SORL1: variants seen among roughly 807,000 people sequenced by gnomAD.
The protein encoded by SORL1 is sortilin related receptor 1, also known as sortilin-related receptor.
A neutral mutation model predicts 273.7 loss-of-function variants in SORL1; 127 were observed. The observed-to-expected ratio is 0.46, with a 90% CI of 0.40 to 0.54. SORL1 has a LOEUF of 0.54. Among genes scored for constraint, SORL1 ranks in the 20% least tolerant of loss-of-function variants. The pLI is 0.00. For missense variants in SORL1, 2,494 were observed against 2,846.1 expected (o/e 0.88, Z 2.81); for synonymous variants, 1,031 against 1,067.4 (o/e 0.97, Z 0.66).
At chr11:121,466,730 G>T (rs981272838) in intron 1 of SORL1, among the ~76,000 whole-genome samples, 1 of 152,092 alleles carries the variant, frequency 6.6e-6, no homozygotes, top group African/African-American at 2.4e-5. Flanking sequence ...ATGGGCACCC[G>T]GGCTGCCTTG....
chr11:121,609,921 C>T (rs760974052), intron 38 of SORL1: 2 of 152,234 alleles, frequency 1.3e-5, no homozygotes, highest in African/African-American at 2.4e-5. Flanking sequence ...TGGATTGTGA[C>T]TTGTCCCTGG....
rs760498132 is a variant in SORL1 at position 121,545,433 on chromosome 11, A to G, written c.2051+4A>G. ...GCACCCGGGAGGACTATGAGTGGTC[A>G]GTTCTTCTTTGATGGCTGGGGACTG... On this transcript the variant is annotated splice_donor_region_variant and intron_variant, in intron 14 of 47. Coordinates refer to ENST00000260197, the MANE Select transcript of SORL1 (RefSeq NM_003105.6). 3.7e-6 allele frequency: 6 copies of G among 1,613,812 alleles called. No individual in the cohort carries two copies. Among genetic ancestry groups the G allele is most frequent in the Non-Finnish European group, 2.5e-6 (3 of 1,179,820 alleles).
intron 24 of SORL1, chr11:121,576,691 G>A: frequency 1.5e-6 from 2 of 1,329,102 alleles, no homozygotes; most frequent in Admixed American, 2.9e-5. Context: ...AAGCTCTGCT[G>A]GTTGGTTCTT....
chr11:121,489,675 A>G (rs890304284), intron 4 of SORL1, among the ~76,000 whole-genome samples: 3 of 152,322 alleles, frequency 2.0e-5, no homozygotes, highest in African/African-American at 4.8e-5. Flanking sequence ...TAATGCTGCT[A>G]TCTGTGAAAG....
Position 121,559,547 on chromosome 11 carries a change from A to C in SORL1, c.2939A>C (p.Gln980Pro). The C allele has an allele frequency of 6.2e-7, 1 of 1,614,132 alleles. No individual in the cohort carries two copies. Among genetic ancestry groups the C allele is most frequent in the Admixed American group, 1.7e-5 (1 of 60,004 alleles). Reference sequence around the variant, plus strand: ...GAAATCTACTGGGATGACTGGTCACAGCTCAGCATATTCCGAGCTTCCAAA... The same window carrying C: ...GAAATCTACTGGGATGACTGGTCACCGCTCAGCATATTCCGAGCTTCCAAA... ...KNEIYWDDWS[Q>P]LSIFRASKYS... Residue 980 changes from glutamine (Q) to proline (P), a missense_variant, in exon 21 of 48, where the codon CAG becomes CCG. By Grantham distance (76) the Gln-to-Pro change is moderately conservative. Transcript: ENST00000260197.
chr11:121,545,532 G>A (rs1862412977), intron 14 of SORL1, 103 bp downstream of exon 14: 1 of 1,018,676 alleles, frequency 9.8e-7, no homozygotes, highest in African/African-American at 1.6e-5. Flanking sequence ...CAAAGGAAGG[G>A]AATAGAAGGA....
At chr11:121,533,776 G>A (rs1862233248) in intron 12 of SORL1, among the ~76,000 whole-genome samples, 2 of 152,116 alleles carry the variant, frequency 1.3e-5, no homozygotes, top group East Asian at 3.8e-4. Context: ...TGAGCAGCCT[G>A]GCCTCAGAGA....
chr11:121,612,425 C>T, intron 39 of SORL1: 1 of 225,944 alleles, frequency 4.4e-6, no homozygotes, highest in Non-Finnish European at 9.0e-6. Context: ...ATTATCTTTC[C>T]AGTGTTTCCT....
At chr11:121,469,799 A>G (rs1294772852) in intron 1 of SORL1, among the ~76,000 whole-genome samples, 1 of 152,202 alleles carries the variant, frequency 6.6e-6, no homozygotes. Flanking sequence ...TTTACATCCA[A>G]AATAGCAGGG....
At chr11:121,458,619 C>T (rs896812722) in intron 1 of SORL1, among the ~76,000 whole-genome samples, 4 of 152,134 alleles carry the variant, frequency 2.6e-5, no homozygotes, top group East Asian at 3.8e-4. Flanking sequence ...AGTCTAGCCA[C>T]GTACATGCAA....
intron 6 of SORL1, among the ~76,000 whole-genome samples, chr11:121,499,045 G>A (rs189767508): frequency 2.2e-4 from 33 of 152,266 alleles, no homozygotes; most frequent in South Asian, 4.1e-4. Flanking sequence ...TGATCTCACC[G>A]ATACAGTACC....
At position 121,572,420 on chromosome 11, in the gene SORL1, C is replaced by T. The variant is rs113930887; in HGVS notation, c.3338-1821C>T. Among the ~76,000 whole-genome samples the T allele has an allele frequency of 9.6e-3, 1,467 of 152,308 alleles. 28 individuals carry two copies. Among genetic ancestry groups the T allele is most frequent in the African/African-American group, 0.034 (1,400 of 41,564 alleles). On this transcript the variant is annotated intron_variant, in intron 23 of 47. Coordinates refer to ENST00000260197, the MANE Select transcript of SORL1 (RefSeq NM_003105.6). ...TTCCAGAGACCCCGAGACCTACTTT[C>T]TGCTCCGTCGTCTCCCTGTTTCACC...
chr11:121,456,472 A>G (rs931778553), intron 1 of SORL1, among the ~76,000 whole-genome samples: 4 of 152,220 alleles, frequency 2.6e-5, no homozygotes, highest in Non-Finnish European at 4.4e-5. Flanking sequence ...TGTATTTGTA[A>G]GGAGGAATAC....
chr11:121,465,662 G>A (rs1861071449), intron 1 of SORL1, among the ~76,000 whole-genome samples: 1 of 152,132 alleles, frequency 6.6e-6, no homozygotes, highest in South Asian at 2.1e-4. Context: ...CGAGTAGCTG[G>A]GACTACAGGC....
chr11:121,605,642 T>A, intron 35 of SORL1, 71 bp downstream of exon 35: 1 of 1,253,784 alleles, frequency 8.0e-7, no homozygotes, highest in Non-Finnish European at 1.2e-6. Context: ...TCTTTCTGAG[T>A]ATTCTCAGGA....
At chr11:121,601,029 A>G (rs1320215035) in intron 32 of SORL1, among the ~76,000 whole-genome samples, 1 of 146,874 alleles carries the variant, frequency 6.8e-6, no homozygotes, top group African/African-American at 2.5e-5. Context: ...TATATCTCCC[A>G]GTGCTATCCC....
Position 121,630,135 on chromosome 11 carries a change from G to A in SORL1, c.*572G>A, listed in dbSNP as rs926309845. ...GCCCCTTACCCATAGGGTTGGGGGTGGGAAGAGAAGCATATTTTTTTGCCA... is the reference window on the plus strand; with the variant it reads ...GCCCCTTACCCATAGGGTTGGGGGTAGGAAGAGAAGCATATTTTTTTGCCA... On this transcript the variant is annotated 3_prime_UTR_variant, in exon 48 of 48. Transcript: ENST00000260197. 1 of 152,798 alleles carries A rather than the reference G, an allele frequency of 6.5e-6. No homozygotes were observed. The highest frequency in any genetic ancestry group is 1.5e-5 in the Non-Finnish European group (1 of 68,476). The allele number at this position is 152,798 out of a possible 1,614,324, so 9.5% of individuals were successfully genotyped here.
chr11:121,493,270 ATTTG>A (rs1861582309), intron 5 of SORL1, among the ~76,000 whole-genome samples: 1 of 147,092 alleles, frequency 6.8e-6, no homozygotes, highest in Admixed American at 6.7e-5. Context: ...TGTTTTATTT[ATTTG>A]TTTGTTTGTC....
intron 23 of SORL1, among the ~76,000 whole-genome samples, chr11:121,571,430 T>C (rs1019685298): frequency 6.6e-6 from 1 of 152,268 alleles, no homozygotes; most frequent in African/African-American, 2.4e-5. Flanking sequence ...TGGGAACCAC[T>C]GATGTCATGT....
Sources: gnomAD v4.1 joint callset for allele counts (sites outside exome capture counted in the v4.1 genomes callset) on GRCh38, gnomAD v4.1.1 for gene constraint, MANE v1.5 for transcripts, NCBI Gene and HGNC (gene_info 2026-07-23, HGNC 2026-07-21) for gene names.